The following CYFIP2 variants were observed in gnomAD, a reference collection of about 807,000 sequenced individuals.
The protein encoded by CYFIP2 is cytoplasmic FMR1-interacting protein 2.
CYFIP2 carries 29 observed loss-of-function variants against 158.7 expected under a neutral mutation model. The observed-to-expected ratio is 0.18, with a 90% CI of 0.14 to 0.25. The LOEUF (loss-of-function observed/expected upper bound fraction) is 0.25, where lower values mean the gene tolerates loss of function less well. Among genes scored for constraint, CYFIP2 ranks in the 10% least tolerant of loss-of-function variants. CYFIP2 has a pLI of 1.00. For synonymous variants in CYFIP2, 585 were observed against 617.6 expected (o/e 0.95, Z 0.78); for missense variants, 852 against 1,639.5 (o/e 0.52, Z 8.29).
At chr5:157,392,443 T>C (rs1767399548) in intron 30 of CYFIP2, among the ~76,000 whole-genome samples, 1 of 152,342 alleles carries the variant, frequency 6.6e-6, no homozygotes, top group East Asian at 1.9e-4. Flanking sequence ...TTTGTGTGGG[T>C]ATCCATATTT....
intron 18 of CYFIP2, among the ~76,000 whole-genome samples, chr5:157,327,634 G>T (rs1419438277): frequency 6.6e-6 from 1 of 152,094 alleles, no homozygotes; most frequent in African/African-American, 2.4e-5. Context: ...AGATGGATGG[G>T]GAGGCTGCCG....
chr5:157,390,235 GT>G (rs1767139635), intron 29 of CYFIP2, among the ~76,000 whole-genome samples: 1 of 151,782 alleles, frequency 6.6e-6, no homozygotes, highest in Non-Finnish European at 1.5e-5. Context: ...AGCTGGGTGG[GT>G]TTTTCCTTGC....
chr5:157,378,846 C>G (rs1003020035), intron 26 of CYFIP2, among the ~76,000 whole-genome samples: 1 of 152,218 alleles, frequency 6.6e-6, no homozygotes, highest in African/African-American at 2.4e-5. Context: ...TTTACAGACT[C>G]TTGGTTCTAG....
intron 1 of CYFIP2, among the ~76,000 whole-genome samples, chr5:157,281,975 C>A (rs1175943856): frequency 6.6e-6 from 1 of 152,082 alleles, no homozygotes; most frequent in Non-Finnish European, 1.5e-5. Context: ...GGAGATCACC[C>A]GTAGTTGCAT....
chr5:157,391,017 G>A (rs562249647), intron 30 of CYFIP2, among the ~76,000 whole-genome samples: 3 of 152,230 alleles, frequency 2.0e-5, no homozygotes, highest in Admixed American at 6.5e-5. Context: ...AGGTACTGGC[G>A]TGGGGTGAGC....
intron 26 of CYFIP2, among the ~76,000 whole-genome samples, chr5:157,368,902 G>GTT (rs57932474): frequency 0.2 from 28,814 of 143,000 alleles, 3,116 homozygotes; most frequent in Middle Eastern, 0.26. Flanking sequence ...TTGTTTTTTT[G>GTT]TTTTTTTTTT....
intron 15 of CYFIP2, 94 bp from the exon 16 acceptor site, chr5:157,323,826 GA>G (rs34143712): frequency 0.014 from 15,748 of 1,128,404 alleles, 11 homozygotes; most frequent in South Asian, 0.017. Context: ...GACATCTGCA[GA>G]AAAAAAAAAA....
intron 23 of CYFIP2, chr5:157,342,162 G>A (rs1001134978): frequency 3.8e-4 from 58 of 152,686 alleles, no homozygotes; most frequent in African/African-American, 1.3e-3. Context: ...ATATTATCTT[G>A]TTTTCATGAT....
chr5:157,329,632 T>C (rs988715152), intron 19 of CYFIP2, among the ~76,000 whole-genome samples: 2 of 151,382 alleles, frequency 1.3e-5, no homozygotes, highest in Non-Finnish European at 1.5e-5. Context: ...TAATAATATA[T>C]TTTATTTAAC....
chr5:157,322,852 T>G, intron 15 of CYFIP2: 9 of 1,248,594 alleles, frequency 7.2e-6, no homozygotes, highest in South Asian at 1.4e-5. Flanking sequence ...CCTCTTGCTT[T>G]TCTCTCTCTC....
chr5:157,382,565 T>C, intron 26 of CYFIP2, 25 bp from the exon 27 acceptor site: 1 of 1,613,192 alleles, frequency 6.2e-7, no homozygotes, highest in Non-Finnish European at 8.5e-7. Context: ...AATTGTTTTC[T>C]CTTTCTTTAC....
chr5:157,311,206 A>C lies in CYFIP2; in HGVS notation c.993-458A>C. The stretch of plus-strand genomic sequence containing the variant: ...GCCAGGGCACTGTTGGAAAAGAGGC[A>C]CAGTCACATTCATATTTCCGCAATC... On this transcript the variant is annotated intron_variant, in intron 10 of 30. Coordinates refer to ENST00000620254, the MANE Select transcript of CYFIP2 (RefSeq NM_001037333.3). This position sits in a 1 kb window ranked among gnomAD's most constrained non-coding sequence, Gnocchi z 4.7. 2 of 412,862 alleles carry C rather than the reference A, an allele frequency of 4.8e-6. No individual in the cohort carries two copies. The highest frequency in any genetic ancestry group is 3.5e-5 in the South Asian group (2 of 57,962). 25.6% of individuals were successfully genotyped at this position (412,862 alleles called of 1,614,324 possible). A position where few individuals can be genotyped will look rare whatever the true frequency, so the allele number is the denominator to read the frequency against.
chr5:157,311,874 T>G lies in CYFIP2; in HGVS notation c.1110+93T>G, dbSNP rs1053604190. 4.2e-6 allele frequency: 5 copies of G among 1,200,412 alleles called. No individual in the cohort carries two copies. The African/African-American group carries it at 4.5e-5, about 11-fold the overall frequency. The allele number at this position is 1,200,412 out of a possible 1,614,324, so 74.4% of individuals were successfully genotyped here. The stretch of plus-strand genomic sequence containing the variant: ...GAAAGAACATGGACCCACGGAACAC[T>G]GGAGAGTAGAAGGGAGGGAGGCAGG... On this transcript the variant is annotated intron_variant, in intron 11 of 30. Coordinates refer to ENST00000620254, the MANE Select transcript of CYFIP2 (RefSeq NM_001037333.3). This position sits in a 1 kb window ranked among gnomAD's most constrained non-coding sequence, Gnocchi z 4.7.
Position 157,323,800 on chromosome 5 carries a change from G to A in CYFIP2, c.1672-121G>A, listed in dbSNP as rs1027867662. The A allele has an allele frequency of 1.5e-5, 18 of 1,204,986 alleles. No homozygotes were observed. In the African/African-American group the frequency reaches 2.6e-4, roughly 18 times the overall value. 74.6% of individuals were successfully genotyped at this position (1,204,986 alleles called of 1,614,324 possible). ...CTTAAACTGGTGCTTCCTTAGGACA[G>A]TGCTTTTTAAGAGCAGACATCTGCA... On this transcript the variant is annotated intron_variant, in intron 15 of 30. Transcript: ENST00000620254.
intron 3 of CYFIP2, among the ~76,000 whole-genome samples, chr5:157,292,082 A>G (rs1477245975): frequency 6.6e-6 from 1 of 152,158 alleles, no homozygotes; most frequent in Non-Finnish European, 1.5e-5. Context: ...CCTGGAAGTC[A>G]CTAGTATACT....
intron 7 of CYFIP2, among the ~76,000 whole-genome samples, chr5:157,303,822 C>T (rs1299516458): frequency 1.3e-5 from 2 of 151,798 alleles, no homozygotes; most frequent in African/African-American, 2.4e-5. Flanking sequence ...CACCTGCCCC[C>T]CTCCCCACCG....
rs367963611 is a variant in CYFIP2, at chr5:157,320,949, C to A, written c.1671+147C>A. ...AGTGGCTGCTCCGGTCTTATTCTGC[C>A]ATCTTGTTTTGATATAGGAAGGAGG... is the stretch of plus-strand genomic sequence containing the variant. On this transcript the variant is annotated intron_variant, in intron 15 of 30. Transcript: ENST00000620254. 1.8e-5 allele frequency: 19 copies of A among 1,055,846 alleles called. No individual in the cohort carries two copies. In the East Asian group the frequency reaches 2.3e-4, roughly 13 times the overall value. The allele number at this position is 1,055,846 out of a possible 1,614,324, so 65.4% of individuals were successfully genotyped here. A position where few individuals can be genotyped will look rare whatever the true frequency, so the allele number is the denominator to read the frequency against.
chr5:157,291,821 G>A (rs1757841045), intron 3 of CYFIP2, among the ~76,000 whole-genome samples: 2 of 152,148 alleles, frequency 1.3e-5, no homozygotes, highest in South Asian at 4.1e-4. Context: ...TGAAATGGTG[G>A]TATGTGGATT....
chr5:157,336,259 G>T (rs1378540715), intron 21 of CYFIP2, among the ~76,000 whole-genome samples: 1 of 152,218 alleles, frequency 6.6e-6, no homozygotes, highest in African/African-American at 2.4e-5. Flanking sequence ...ACACAGCTGA[G>T]CAAACAGAGT....
Sources: gnomAD v4.1 joint callset for allele counts (sites outside exome capture counted in the v4.1 genomes callset) on GRCh38, gnomAD v4.1.1 for gene constraint, Gnocchi (gnomAD v3.1) non-coding constraint, MANE v1.5 for transcripts, NCBI Gene and HGNC (gene_info 2026-07-23, HGNC 2026-07-21) for gene names.